MEMO1: variants seen among roughly 807,000 people sequenced by gnomAD.
MEMO1 encodes mediator of cell motility 1.
MEMO1 carries 6 observed loss-of-function variants against 45.2 expected under a neutral mutation model. The ratio of observed to expected loss-of-function variants is 0.13; its 90% CI spans 0.07 to 0.26. The LOEUF is 0.26. Among genes scored for constraint, MEMO1 ranks in the 10% least tolerant of loss-of-function variants. The probability of loss-of-function intolerance (pLI) is 1.00; values close to 1 mark genes in which losing one functional copy is unlikely to be tolerated. For synonymous variants in MEMO1, 78 were observed against 124.3 expected (o/e 0.63, Z 2.48); for missense variants, 184 against 370.5 (o/e 0.50, Z 4.13).
At chr2:31,937,943 A>C (rs1461096886) in intron 3 of MEMO1, among the ~76,000 whole-genome samples, 1 of 152,226 alleles carries the variant, frequency 6.6e-6, no homozygotes. Flanking sequence ...ATTGGTATGA[A>C]GATATCTGGA....
At chr2:31,950,775 C>CA (rs1167034488) in intron 2 of MEMO1, among the ~76,000 whole-genome samples, 2 of 148,222 alleles carry the variant, frequency 1.3e-5, no homozygotes, top group Admixed American at 6.7e-5. Context: ...ATTTAAAAAA[C>CA]AAAAAAATAC....
At chr2:31,869,505 GACCAGTAAATAAAACCAA>G (rs1353426568) in intron 9 of MEMO1, among the ~76,000 whole-genome samples, 1 of 151,850 alleles carries the variant, frequency 6.6e-6, no homozygotes, top group African/African-American at 2.4e-5. Context: ...ATAGAGTCTA[GACCAGTAAATAAAACCAA>G]AAAATTAATA....
chr2:32,003,280 G>T (rs1673636212), intron 2 of MEMO1, among the ~76,000 whole-genome samples: 1 of 151,926 alleles, frequency 6.6e-6, no homozygotes, highest in African/African-American at 2.4e-5. Flanking sequence ...AACTAAAACT[G>T]CATTTAAGAT....
intron 2 of MEMO1, among the ~76,000 whole-genome samples, chr2:31,987,989 A>T (rs182288323): frequency 4.5e-4 from 69 of 152,248 alleles, no homozygotes; most frequent in Admixed American, 2.0e-3. Context: ...TAATTAATGG[A>T]AGGAGTATGC....
intron 2 of MEMO1, among the ~76,000 whole-genome samples, chr2:31,998,354 C>G (rs1203404173): frequency 6.6e-6 from 1 of 152,022 alleles, no homozygotes; most frequent in Non-Finnish European, 1.5e-5. Context: ...ATCTCATTCT[C>G]CTCCTCATGA....
chr2:31,946,903 T>C (rs374212474), intron 2 of MEMO1, among the ~76,000 whole-genome samples: 2 of 152,226 alleles, frequency 1.3e-5, no homozygotes, highest in African/African-American at 4.8e-5. Context: ...TATGTTTACA[T>C]ACACAAATAT....
At chr2:31,961,330 C>T (rs1667982567) in intron 2 of MEMO1, among the ~76,000 whole-genome samples, 1 of 152,130 alleles carries the variant, frequency 6.6e-6, no homozygotes, top group African/African-American at 2.4e-5. Flanking sequence ...GCACTCTAGC[C>T]TGGGTGATAA....
chr2:31,945,250 C>T (rs143246263), intron 2 of MEMO1, among the ~76,000 whole-genome samples: 2 of 152,136 alleles, frequency 1.3e-5, no homozygotes, highest in African/African-American at 2.4e-5. Flanking sequence ...CTGCACTATA[C>T]GAATATAGCA....
intron 7 of MEMO1, among the ~76,000 whole-genome samples, chr2:31,891,492 T>G (rs1676970775): frequency 6.6e-6 from 1 of 152,052 alleles, no homozygotes; most frequent in Non-Finnish European, 1.5e-5. Flanking sequence ...AGCCAATATT[T>G]TATAATCTTT....
chr2:32,002,533 C>G (rs1673539106), intron 2 of MEMO1, among the ~76,000 whole-genome samples: 1 of 151,850 alleles, frequency 6.6e-6, no homozygotes, highest in Non-Finnish European at 1.5e-5. Context: ...CATATTTTCC[C>G]ATACCTTCCT....
At chr2:31,930,082 C>T (rs764013961) in intron 4 of MEMO1, among the ~76,000 whole-genome samples, 2 of 152,152 alleles carry the variant, frequency 1.3e-5, no homozygotes, top group African/African-American at 4.8e-5. Flanking sequence ...CAAAGCCAGG[C>T]GAAAGCGTGT....
At chr2:31,919,619 G>C (rs1681968736) in intron 5 of MEMO1, among the ~76,000 whole-genome samples, 1 of 152,032 alleles carries the variant, frequency 6.6e-6, no homozygotes, top group Non-Finnish European at 1.5e-5. Context: ...AGGAGTTCAA[G>C]ATCAGCCTGG....
At chr2:31,877,358 C>A (rs910731743) in intron 8 of MEMO1, among the ~76,000 whole-genome samples, 12 of 152,276 alleles carry the variant, frequency 7.9e-5, no homozygotes, top group African/African-American at 2.9e-4. Context: ...TTGGCTGTCA[C>A]AATAATTTGA....
intron 3 of MEMO1, among the ~76,000 whole-genome samples, chr2:31,942,821 C>T (rs1421877973): frequency 2.6e-5 from 4 of 152,038 alleles, no homozygotes; most frequent in Non-Finnish European, 5.9e-5. Flanking sequence ...CACACGCAGC[C>T]AAAGTAGCCA....
At chr2:31,941,931 C>T (rs566766251) in intron 3 of MEMO1, among the ~76,000 whole-genome samples, 23 of 152,264 alleles carry the variant, frequency 1.5e-4, no homozygotes, top group Admixed American at 9.8e-4. Context: ...TGATTAAAAA[C>T]GGTTATTATA....
intron 2 of MEMO1, among the ~76,000 whole-genome samples, chr2:31,999,218 C>T (rs1289450584): frequency 6.6e-6 from 1 of 152,190 alleles, no homozygotes; most frequent in Non-Finnish European, 1.5e-5. Context: ...TTCCTCCTAA[C>T]TGGTCTCCCT....
At chr2:31,938,625 G>A (rs1244354950) in intron 3 of MEMO1, among the ~76,000 whole-genome samples, 1 of 151,866 alleles carries the variant, frequency 6.6e-6, no homozygotes, top group Non-Finnish European at 1.5e-5. Flanking sequence ...TCCAGCCTGG[G>A]TGACAGAGTG....
intron 2 of MEMO1, among the ~76,000 whole-genome samples, chr2:31,993,925 AT>A: frequency 6.6e-6 from 1 of 151,244 alleles, no homozygotes; most frequent in Admixed American, 6.6e-5. Context: ...TCTGCCAGAA[AT>A]ACAGAAATAT....
At chr2:31,872,692 G>A (rs1673958501) in intron 8 of MEMO1, among the ~76,000 whole-genome samples, 1 of 152,066 alleles carries the variant, frequency 6.6e-6, no homozygotes, top group African/African-American at 2.4e-5. Context: ...TTGAGATGAT[G>A]GGAGTTAAGA....
Sources: allele counts gnomAD v4.1 joint callset (sites outside exome capture counted in the v4.1 genomes callset), GRCh38; gene constraint gnomAD v4.1.1; transcripts MANE v1.5; gene names NCBI Gene and HGNC (gene_info 2026-07-23, HGNC 2026-07-21).